Variants in TRAPPC9 observed in about 807,000 individuals in gnomAD.
TRAPPC9 encodes the protein IKK2 binding protein.
TRAPPC9 carries 83 observed loss-of-function variants against 124.0 expected under a neutral mutation model. The ratio of observed to expected loss-of-function variants is 0.67; its 90% CI spans 0.56 to 0.80. TRAPPC9 has a LOEUF of 0.80. TRAPPC9 is among the 30% of genes least tolerant of loss of function. The pLI is 0.00. For missense variants in TRAPPC9, 1,302 were observed against 1,508.3 expected, an observed-to-expected ratio of 0.86 and a Z score of 2.27; for synonymous variants, 638 against 617.5, an observed-to-expected ratio of 1.03 and a Z score of -0.49.
rs1033862470 is a variant in TRAPPC9, at chr8:140,270,099, CA to C, written c.2278+5558del. 6.3e-3 allele frequency among the ~76,000 whole-genome samples: 886 copies of C among 140,682 alleles called. 8 individuals are homozygous for C. Among genetic ancestry groups the C allele is most frequent in the African/African-American group, 0.021 (797 of 38,402 alleles). 92.3% of individuals were successfully genotyped at this position (140,682 alleles called of 152,430 possible). A position where few individuals can be genotyped will look rare whatever the true frequency, so the allele number is the denominator to read the frequency against. Reference sequence around the variant, plus strand: ...TGGGCAACAGAGCGAGACTCCATCTCAAAAAAAAAAAGAGAAACACCAAAGG... The same window carrying C: ...TGGGCAACAGAGCGAGACTCCATCTCAAAAAAAAAAGAGAAACACCAAAGG... On this transcript the variant is annotated intron_variant, in intron 15 of 22. Coordinates refer to ENST00000438773, the MANE Select transcript of TRAPPC9 (RefSeq NM_001160372.4).
intron 7 of TRAPPC9, among the ~76,000 whole-genome samples, chr8:140,388,112 C>G (rs1287441838): frequency 1.3e-5 from 2 of 151,366 alleles, no homozygotes; most frequent in Admixed American, 6.6e-5. Flanking sequence ...TCTCAGCAAA[C>G]TATCGCAAGG....
intron 2 of TRAPPC9, among the ~76,000 whole-genome samples, chr8:140,444,337 C>T (rs1338028527): frequency 6.6e-6 from 1 of 152,162 alleles, no homozygotes; most frequent in Non-Finnish European, 1.5e-5. Context: ...AGTCCCTCCC[C>T]CAATTCCCCA....
intron 17 of TRAPPC9, among the ~76,000 whole-genome samples, chr8:140,157,402 T>TCCCTTTTCCATTCAGAAGCCTCC (rs2061673057): frequency 6.6e-6 from 1 of 151,976 alleles, no homozygotes; most frequent in African/African-American, 2.4e-5. Context: ...GCCTTCCTTC[T>TCCCTTTTCCATTCAGAAGCCTCC]CTTCTTTCTG....
At chr8:140,401,990 T>C (rs920956753) in intron 6 of TRAPPC9, among the ~76,000 whole-genome samples, 1 of 151,708 alleles carries the variant, frequency 6.6e-6, no homozygotes. Context: ...GTATGATTAA[T>C]ATATTATTCC....
intron 21 of TRAPPC9, among the ~76,000 whole-genome samples, chr8:139,740,096 C>T (rs566873945): frequency 6.6e-5 from 10 of 152,322 alleles, no homozygotes; most frequent in South Asian, 2.1e-4. Context: ...TACCATGCTC[C>T]GCTCTGGGCC....
At chr8:140,225,488 T>C (rs1478648294) in intron 16 of TRAPPC9, among the ~76,000 whole-genome samples, 1 of 152,210 alleles carries the variant, frequency 6.6e-6, no homozygotes, top group African/African-American at 2.4e-5. Flanking sequence ...TGAATGAGTT[T>C]ATTTTCTCTC....
At chr8:140,403,726 C>T (rs989598448) in intron 6 of TRAPPC9, among the ~76,000 whole-genome samples, 1 of 150,242 alleles carries the variant, frequency 6.7e-6, no homozygotes, top group Non-Finnish European at 1.5e-5. Context: ...GGTGTGATCT[C>T]GGCTCACTGC....
At chr8:140,339,089 G>A (rs981581752) in intron 9 of TRAPPC9, among the ~76,000 whole-genome samples, 24 of 143,578 alleles carry the variant, frequency 1.7e-4, no homozygotes, top group East Asian at 8.3e-4. Context: ...ACAGGCCGAC[G>A]GGAAACGGCT....
chr8:140,253,680 AAG>A (rs1475832267), intron 15 of TRAPPC9, among the ~76,000 whole-genome samples: 1 of 152,084 alleles, frequency 6.6e-6, no homozygotes. Context: ...TCCATCTCAA[AAG>A]AAAAAAAAAA....
intron 17 of TRAPPC9, among the ~76,000 whole-genome samples, chr8:140,041,482 T>G (rs1368549310): frequency 6.6e-6 from 1 of 152,200 alleles, no homozygotes; most frequent in African/African-American, 2.4e-5. Context: ...GTAACTTTGT[T>G]TTTCAACTGG....
intron 19 of TRAPPC9, 152 bp downstream of exon 19, chr8:139,988,574 C>T (rs1837409484): frequency 1.6e-6 from 1 of 639,746 alleles, no homozygotes; most frequent in South Asian, 1.8e-5. Context: ...GATTCTCCCA[C>T]CAAACTTGAA....
intron 21 of TRAPPC9, among the ~76,000 whole-genome samples, chr8:139,820,153 GGAGA>G: frequency 6.6e-6 from 1 of 151,922 alleles, no homozygotes. Flanking sequence ...CTCTTAAAAT[GGAGA>G]GAGAAAAAAA....
At chr8:140,320,622 C>A (rs2049236) in intron 9 of TRAPPC9, among the ~76,000 whole-genome samples, 95,121 of 152,104 alleles carry the variant, frequency 0.63, 29,806 homozygotes, top group African/African-American at 0.69. Flanking sequence ...TCAGATAAGT[C>A]ACTCTGCCTC....
intron 21 of TRAPPC9, among the ~76,000 whole-genome samples, chr8:139,847,335 C>A (rs1374267089): frequency 6.6e-6 from 1 of 152,262 alleles, no homozygotes; most frequent in Admixed American, 6.5e-5. Context: ...CAATTTCCAT[C>A]CTGGCTGAGG....
At chr8:140,457,384 G>A (rs1372810552) in intron 1 of TRAPPC9, among the ~76,000 whole-genome samples, 3 of 152,198 alleles carry the variant, frequency 2.0e-5, no homozygotes, top group African/African-American at 7.2e-5. Context: ...GGTGTCCGCC[G>A]AGTCTTCAGC....
intron 19 of TRAPPC9, among the ~76,000 whole-genome samples, chr8:139,960,368 A>G (rs1450804023): frequency 6.6e-6 from 1 of 152,120 alleles, no homozygotes; most frequent in African/African-American, 2.4e-5. Flanking sequence ...TCTGCCCAGC[A>G]TCGCCCTCCG....
At chr8:140,371,392 G>A (rs1022023607) in intron 7 of TRAPPC9, among the ~76,000 whole-genome samples, 1 of 152,258 alleles carries the variant, frequency 6.6e-6, no homozygotes, top group African/African-American at 2.4e-5. Context: ...CCATCTTCCT[G>A]CTGATAAAGC....
intron 16 of TRAPPC9, among the ~76,000 whole-genome samples, chr8:140,231,695 C>T (rs181393598): frequency 9.0e-4 from 129 of 143,990 alleles, no homozygotes; most frequent in Admixed American, 3.8e-3. Context: ...TTAGTAGAGG[C>T]CCCTCTCTCT....
intron 12 of TRAPPC9, among the ~76,000 whole-genome samples, chr8:140,290,376 A>T (rs1242317584): frequency 6.6e-6 from 1 of 152,224 alleles, no homozygotes; most frequent in Non-Finnish European, 1.5e-5. Context: ...CTACATCGGC[A>T]TGGGAGGGCC....
Sources: allele counts gnomAD v4.1 joint callset (sites outside exome capture counted in the v4.1 genomes callset), GRCh38; gene constraint gnomAD v4.1.1; transcripts MANE v1.5; gene names NCBI Gene and HGNC (gene_info 2026-07-23, HGNC 2026-07-21).